The following TOP6BL variants were observed in gnomAD, a reference collection of about 807,000 sequenced individuals.
The protein encoded by TOP6BL is type 2 DNA topoisomerase 6 subunit B-like.
the TOP6BL span, among the ~76,000 whole-genome samples, chr11:66,780,811 G>A: frequency 2.5e-4 from 38 of 151,988 alleles, no homozygotes; most frequent in Non-Finnish European, 2.4e-4. Flanking sequence ...TGAACTCCTG[G>A]CCTCAAGCGA....
At chr11:66,751,952 GATAAT>G in the TOP6BL span, among the ~76,000 whole-genome samples, 1 of 152,174 alleles carries the variant, frequency 6.6e-6, no homozygotes, top group Non-Finnish European at 1.5e-5. Context: ...CAGTACATCA[GATAAT>G]ATATCAGTTT....
At chr11:66,776,982 G>A in the TOP6BL span, among the ~76,000 whole-genome samples, 2 of 151,428 alleles carry the variant, frequency 1.3e-5, no homozygotes, top group Non-Finnish European at 3.0e-5. Context: ...GGCCCCAAGA[G>A]GTGGAGGCTA....
chr11:66,830,244 A>C, the TOP6BL span, among the ~76,000 whole-genome samples: 3 of 152,246 alleles, frequency 2.0e-5, no homozygotes, highest in Non-Finnish European at 2.9e-5. Flanking sequence ...CAAAATCAAT[A>C]AAAGAAAGCT....
At chr11:66,746,543 C>A in the TOP6BL span, among the ~76,000 whole-genome samples, 5 of 152,118 alleles carry the variant, frequency 3.3e-5, no homozygotes, top group African/African-American at 9.7e-5. Flanking sequence ...GGAGAAACTC[C>A]GTCACTACTA....
chr11:66,808,984 C>T, the TOP6BL span, among the ~76,000 whole-genome samples: 50 of 152,246 alleles, frequency 3.3e-4, no homozygotes, highest in African/African-American at 6.7e-4. Flanking sequence ...CTCGCTCCGT[C>T]GCCCAGGCTG....
At chr11:66,745,274 A>G in the TOP6BL span, among the ~76,000 whole-genome samples, 1 of 95,720 alleles carries the variant, frequency 1.0e-5, no homozygotes, top group Non-Finnish European at 2.0e-5. Context: ...CGCGGAAAGA[A>G]GGAAAGGAAT....
the TOP6BL span, among the ~76,000 whole-genome samples, chr11:66,793,253 AT>A: frequency 0.086 from 12,851 of 148,940 alleles, 726 homozygotes; most frequent in African/African-American, 0.16. Context: ...TAATCGGCTA[AT>A]TTTTTTTTGT....
At chr11:66,777,079 A>ATATATATCTATATATCTATATC in the TOP6BL span, among the ~76,000 whole-genome samples, 1 of 149,572 alleles carries the variant, frequency 6.7e-6, no homozygotes, top group East Asian at 1.9e-4. Flanking sequence ...ATCTATATCT[A>ATATATATCTATATATCTATATC]TATATATCTA....
At chr11:66,812,907 G>T in the TOP6BL span, among the ~76,000 whole-genome samples, 2 of 151,968 alleles carry the variant, frequency 1.3e-5, no homozygotes, top group Non-Finnish European at 2.9e-5. Flanking sequence ...ACTGCCCACC[G>T]CAGTGAAGAA....
the TOP6BL span, chr11:66,838,582 A>G: frequency 1.4e-6 from 1 of 716,730 alleles, no homozygotes; most frequent in Admixed American, 2.6e-5. Context: ...TGTTGCTGCC[A>G]CTGTGGGTCT....
At chr11:66,790,706 C>T in the TOP6BL span, among the ~76,000 whole-genome samples, 2 of 152,158 alleles carry the variant, frequency 1.3e-5, no homozygotes, top group Non-Finnish European at 2.9e-5. Flanking sequence ...TTAAGATTTT[C>T]AGAATGGAAC....
At chr11:66,758,778 C>T in the TOP6BL span, among the ~76,000 whole-genome samples, 1 of 152,212 alleles carries the variant, frequency 6.6e-6, no homozygotes. Flanking sequence ...TCCAAAGAGG[C>T]AGTCCTGGTG....
chr11:66,810,232 A>G, the TOP6BL span, among the ~76,000 whole-genome samples: 1 of 152,176 alleles, frequency 6.6e-6, no homozygotes, highest in Non-Finnish European at 1.5e-5. Flanking sequence ...TCACCAGAAG[A>G]CCTGTATTAT....
chr11:66,843,031 C>G, the TOP6BL span: 1 of 1,556,012 alleles, frequency 6.4e-7, no homozygotes, highest in Non-Finnish European at 8.7e-7. Flanking sequence ...CGGCAGGGCC[C>G]TGGCGCCGGG....
the TOP6BL span, among the ~76,000 whole-genome samples, chr11:66,812,586 C>G: frequency 6.6e-6 from 1 of 152,112 alleles, no homozygotes; most frequent in African/African-American, 2.4e-5. Flanking sequence ...GGTATAAAGC[C>G]TTTCCATAAT....
At chr11:66,756,627 C>A in the TOP6BL span, 1 of 754,202 alleles carries the variant, frequency 1.3e-6, no homozygotes, top group Non-Finnish European at 1.6e-6. Flanking sequence ...ACAGTAGAGA[C>A]TTATCTGTAA....
At chr11:66,779,643 C>A in the TOP6BL span, among the ~76,000 whole-genome samples, 1 of 152,066 alleles carries the variant, frequency 6.6e-6, no homozygotes, top group East Asian at 1.9e-4. Context: ...ACCATTTGAC[C>A]CCGCCATCCC....
the TOP6BL span, among the ~76,000 whole-genome samples, chr11:66,751,067 C>A: frequency 6.7e-6 from 1 of 150,148 alleles, no homozygotes. Flanking sequence ...CCAGGCTGGA[C>A]TGCAGTGGTG....
the TOP6BL span, among the ~76,000 whole-genome samples, chr11:66,748,726 G>C: frequency 6.6e-6 from 1 of 152,028 alleles, no homozygotes; most frequent in Non-Finnish European, 1.5e-5. Context: ...TCTTACCATA[G>C]ATTATTTATT....
Sources: gnomAD v4.1 joint callset for allele counts (sites outside exome capture counted in the v4.1 genomes callset) on GRCh38, gnomAD v4.1.1 for gene constraint, MANE v1.5 for transcripts, NCBI Gene and HGNC (gene_info 2026-07-23, HGNC 2026-07-21) for gene names.